SEC14L1: variants seen among roughly 807,000 people sequenced by gnomAD.
The protein encoded by SEC14L1 is SEC14 like lipid binding 1.
Under a neutral mutation model 85.3 loss-of-function variants are expected in SEC14L1, and 48 were observed. That is an observed-to-expected ratio of 0.56 (90% CI 0.45 to 0.72). The LOEUF (loss-of-function observed/expected upper bound fraction) is 0.72. Among genes scored for constraint, SEC14L1 ranks in the 30% least tolerant of loss-of-function variants. The pLI, the probability that SEC14L1 is intolerant of heterozygous loss-of-function variation, is 0.00. For synonymous variants in SEC14L1, 391 were observed against 355.5 expected, an observed-to-expected ratio of 1.10 and a Z score of -1.12; for missense variants, 682 against 921.4, an observed-to-expected ratio of 0.74 and a Z score of 3.36.
intron 11 of SEC14L1, among the ~76,000 whole-genome samples, chr17:77,205,596 G>C (rs1436564111): frequency 6.6e-6 from 1 of 152,132 alleles, no homozygotes; most frequent in Non-Finnish European, 1.5e-5. Flanking sequence ...AGGAGCCCAG[G>C]GCTGCAGATC....
intron 14 of SEC14L1, 95 bp from the exon 15 acceptor site, chr17:77,211,855 C>T: frequency 6.6e-7 from 1 of 1,516,784 alleles, no homozygotes; most frequent in Non-Finnish European, 8.9e-7. Flanking sequence ...AGCTTCAGCA[C>T]CTGCACCCTG....
rs561448657 is a variant in SEC14L1 at position 77,145,532 on chromosome 17, A to G, written c.63+1873A>G. Among the ~76,000 whole-genome samples, 3 of 152,326 alleles carry G rather than the reference A, an allele frequency of 2.0e-5. No individual in the cohort carries two copies. In the East Asian group the frequency reaches 5.8e-4, roughly 29 times the overall value. On this transcript the variant is annotated intron_variant, in intron 3 of 16. Coordinates refer to ENST00000436233, the MANE Select transcript of SEC14L1 (RefSeq NM_001143998.2). Reference sequence around the variant, plus strand: ...GTTACGTGTGTTAAGATGTAGTTACACATCTTAAATATGTGTAGCTAGGGC... The same window carrying G: ...GTTACGTGTGTTAAGATGTAGTTACGCATCTTAAATATGTGTAGCTAGGGC...
chr17:77,154,682 T>C (rs575337050), intron 3 of SEC14L1, among the ~76,000 whole-genome samples: 6 of 151,804 alleles, frequency 4.0e-5, no homozygotes, highest in Non-Finnish European at 8.8e-5. Context: ...TCTATAATTA[T>C]GTATCAATAT....
Position 77,107,628 on chromosome 17 carries a change from G to A in SEC14L1, c.-136+14281G>A, listed in dbSNP as rs564602294. Among the ~76,000 whole-genome samples, 11 of 152,206 alleles carry A rather than the reference G, an allele frequency of 7.2e-5. No homozygotes were observed. The East Asian group carries it at 1.5e-3, about 21-fold the overall frequency. On this transcript the variant is annotated intron_variant, in intron 3 of 19. Coordinates refer to the SEC14L1 transcript ENST00000392476. ...AGGTCAGAAGATCCCCACCCACAAC[G>A]GTGGATGGCAGAATAAACCGCAACC...
intron 3 of SEC14L1, among the ~76,000 whole-genome samples, chr17:77,176,126 C>A (rs1974742709): frequency 6.6e-6 from 1 of 151,968 alleles, no homozygotes; most frequent in Admixed American, 6.6e-5. Context: ...CCTGTCTCTA[C>A]TAAAAAGGCA....
At position 77,200,558 on chromosome 17, in the gene SEC14L1, G is replaced by A. The variant is rs893457804; in HGVS notation, c.894G>A (p.Met298Ile). The A allele has an allele frequency of 3.1e-6, 5 of 1,613,932 alleles. No homozygotes were observed. Among genetic ancestry groups the A allele is most frequent in the Non-Finnish European group, 4.2e-6 (5 of 1,179,896 alleles). The stretch of plus-strand genomic sequence containing the variant: ...ATATTGACAAAGCCAGAGAGATCAT[G>A]TGTCAGTCTTTGACGTGGAGAAAGC... ...DFNIDKAREI[M>I]CQSLTWRKQH... Residue 298 changes from methionine (M) to isoleucine (I), a missense_variant, in exon 9 of 17, where the codon ATG becomes ATA. By Grantham distance (10) the Met-to-Ile change is conservative. Coordinates refer to ENST00000436233, the MANE Select transcript of SEC14L1 (RefSeq NM_001143998.2).
At chr17:77,175,791 T>C (rs1442675290) in intron 3 of SEC14L1, among the ~76,000 whole-genome samples, 1 of 152,230 alleles carries the variant, frequency 6.6e-6, no homozygotes, top group East Asian at 1.9e-4. Flanking sequence ...TGCCTGTTGC[T>C]GCCTCTGGGA....
At chr17:77,106,169 G>A (rs1385265708) in intron 3 of SEC14L1, among the ~76,000 whole-genome samples, 2 of 152,222 alleles carry the variant, frequency 1.3e-5, no homozygotes, top group Non-Finnish European at 2.9e-5. Flanking sequence ...CGAGGTTGGC[G>A]GATGGCTTGA....
upstream of SEC14L1, among the ~76,000 whole-genome samples, chr17:77,137,113 T>C (rs763473085): frequency 4.6e-5 from 7 of 152,202 alleles, no homozygotes; most frequent in Non-Finnish European, 8.8e-5. Context: ...TTCTCCATAT[T>C]GGTCAGGTTG....
At chr17:77,204,106 C>T (rs1976329840) in intron 10 of SEC14L1, among the ~76,000 whole-genome samples, 1 of 152,194 alleles carries the variant, frequency 6.6e-6, no homozygotes, top group African/African-American at 2.4e-5. Context: ...CCATTGGCAG[C>T]TGTGCTTCCC....
At chr17:77,203,389 G>A (rs918850199) in intron 9 of SEC14L1, among the ~76,000 whole-genome samples, 181 bp from the exon 10 acceptor site, 21 of 152,146 alleles carry the variant, frequency 1.4e-4, no homozygotes, top group African/African-American at 4.6e-4. Context: ...CAGCTTTTTG[G>A]GGTAAATATT....
At chr17:77,147,212 T>G (rs922573879) in intron 3 of SEC14L1, among the ~76,000 whole-genome samples, 1 of 152,218 alleles carries the variant, frequency 6.6e-6, no homozygotes, top group African/African-American at 2.4e-5. Context: ...TGCCTTTGTT[T>G]GTTTGTTTTA....
intron 3 of SEC14L1, among the ~76,000 whole-genome samples, chr17:77,162,443 GTGTC>G (rs1386243618): frequency 6.6e-6 from 1 of 152,190 alleles, no homozygotes; most frequent in Non-Finnish European, 1.5e-5. Flanking sequence ...AGGAATGACA[GTGTC>G]TTCAATTTCT....
chr17:77,119,233 G>T (rs532529772), intron 3 of SEC14L1, among the ~76,000 whole-genome samples: 3 of 151,520 alleles, frequency 2.0e-5, no homozygotes, highest in Non-Finnish European at 2.9e-5. Context: ...GCTTGAATCT[G>T]GGGGGCAGAG....
intron 3 of SEC14L1, among the ~76,000 whole-genome samples, chr17:77,124,381 C>T (rs932455347): frequency 6.6e-6 from 1 of 151,974 alleles, no homozygotes; most frequent in Non-Finnish European, 1.5e-5. Context: ...AAACAAAAAC[C>T]GGAAACCACG....
At chr17:77,202,031 C>T (rs1030875533) in intron 9 of SEC14L1, among the ~76,000 whole-genome samples, 1 of 152,160 alleles carries the variant, frequency 6.6e-6, no homozygotes, top group Admixed American at 6.5e-5. Flanking sequence ...GCTGCGCCTT[C>T]TGGGACTGTG....
At chr17:77,102,179 A>C (rs1971792910) in intron 3 of SEC14L1, among the ~76,000 whole-genome samples, 1 of 152,256 alleles carries the variant, frequency 6.6e-6, no homozygotes, top group Non-Finnish European at 1.5e-5. Context: ...AGCCCACTGA[A>C]AGAACTGCAG....
chr17:77,129,262 C>T (rs558557899), intron 3 of SEC14L1, among the ~76,000 whole-genome samples: 12 of 152,272 alleles, frequency 7.9e-5, no homozygotes, highest in African/African-American at 2.9e-4. Flanking sequence ...GATTTTCTGA[C>T]ACCAAATTCC....
At chr17:77,133,967 C>T (rs1276666349) in intron 3 of SEC14L1, among the ~76,000 whole-genome samples, 3 of 146,440 alleles carry the variant, frequency 2.0e-5, no homozygotes, top group East Asian at 4.0e-4. Context: ...GCTCTGGAAG[C>T]GAGGGGCACA....
Sources: gnomAD v4.1 joint callset for allele counts (sites outside exome capture counted in the v4.1 genomes callset) on GRCh38, gnomAD v4.1.1 for gene constraint, MANE v1.5 for transcripts, NCBI Gene and HGNC (gene_info 2026-07-23, HGNC 2026-07-21) for gene names.